KCNK10: variants seen among roughly 807,000 people sequenced by gnomAD.
KCNK10 encodes potassium channel subfamily K member 10.
KCNK10 carries 25 observed loss-of-function variants against 47.7 expected under a neutral mutation model. That is an observed-to-expected ratio of 0.52 (90% CI 0.38 to 0.73). The LOEUF (loss-of-function observed/expected upper bound fraction) is 0.73. KCNK10 is among the 30% of genes least tolerant of loss of function. KCNK10 has a pLI of 0.00. For missense variants in KCNK10, 563 were observed against 714.5 expected (o/e 0.79, Z 2.42); for synonymous variants, 303 against 285.6 (o/e 1.06, Z -0.61).
In KCNK10 at chr14:88,240,948, G is replaced by T. The variant is rs80197242; in HGVS notation, c.403-128C>A. 1,141 of 572,004 alleles carry T rather than the reference G, an allele frequency of 2.0e-3. 26 individuals carry two copies. The East Asian group carries it at 0.032, about 16-fold the overall frequency. The allele number at this position is 572,004 out of a possible 1,614,324, so 35.4% of individuals were successfully genotyped here. ...AACCTGCAGTGATCTAGAGAGAACT[G>T]GTTAAGTGGATGATGGTAGCATCCC... On this transcript the variant is annotated intron_variant, in intron 2 of 6. Transcript: ENST00000319231.
At chr14:88,323,313 C>CCCCA (rs1313835087), upstream of KCNK10, 258 of 983,676 alleles carry the variant, frequency 2.6e-4, no homozygotes, top group Admixed American at 3.1e-4. Flanking sequence ...AGCGCACACG[C>CCCCA]CCCACCCCGG....
intron 4 of KCNK10, among the ~76,000 whole-genome samples, chr14:88,204,556 G>T (rs1239339665): frequency 1.3e-5 from 2 of 151,776 alleles, no homozygotes; most frequent in Non-Finnish European, 2.9e-5. Flanking sequence ...GAAACTGTCA[G>T]GGACCCCACC....
At chr14:88,287,613 C>G (rs567189476) in intron 1 of KCNK10, among the ~76,000 whole-genome samples, 1 of 152,116 alleles carries the variant, frequency 6.6e-6, no homozygotes, top group African/African-American at 2.4e-5. Flanking sequence ...GTCTCCAATT[C>G]CATCCAGGTT....
upstream of KCNK10, among the ~76,000 whole-genome samples, chr14:88,325,729 T>C (rs887634185): frequency 3.9e-5 from 6 of 152,202 alleles, no homozygotes; most frequent in African/African-American, 1.4e-4. Flanking sequence ...GGTTGTGTTC[T>C]GGGGTCTGCA....
At chr14:88,283,668 T>C (rs1262144738) in intron 1 of KCNK10, among the ~76,000 whole-genome samples, 3 of 152,216 alleles carry the variant, frequency 2.0e-5, no homozygotes, top group Non-Finnish European at 4.4e-5. Flanking sequence ...TCCCAGTACT[T>C]TGGGAGGCCA....
chr14:88,256,160 T>C (rs1203827327), intron 2 of KCNK10, among the ~76,000 whole-genome samples: 1 of 152,210 alleles, frequency 6.6e-6, no homozygotes, highest in African/African-American at 2.4e-5. Context: ...AACTTGGTCC[T>C]AGTGGAATTC....
chr14:88,310,222 G>GGTATATGATATACCATATGATATA (rs1888294837), intron 1 of KCNK10, among the ~76,000 whole-genome samples: 1 of 131,856 alleles, frequency 7.6e-6, no homozygotes, highest in African/African-American at 2.7e-5. Context: ...CATATCATAT[G>GGTATATGATATACCATATGATATA]GTATATGATA....
intron 1 of KCNK10, among the ~76,000 whole-genome samples, chr14:88,292,266 T>C (rs986428074): frequency 1.3e-5 from 2 of 152,188 alleles, no homozygotes; most frequent in Non-Finnish European, 2.9e-5. Flanking sequence ...GGCCCCCGCC[T>C]TCCCTTTCCC....
chr14:88,308,160 A>G (rs1182763773), intron 1 of KCNK10, among the ~76,000 whole-genome samples: 1 of 152,058 alleles, frequency 6.6e-6, no homozygotes, highest in East Asian at 1.9e-4. Context: ...ACCCCCAGTC[A>G]AGGTTCCCTC....
chr14:88,257,684 A>T (rs952687028), intron 2 of KCNK10, among the ~76,000 whole-genome samples: 4 of 152,212 alleles, frequency 2.6e-5, no homozygotes, highest in Non-Finnish European at 5.9e-5. Context: ...CCTCGCCTGT[A>T]TGTGGGCACC....
chr14:88,285,110 T>C (rs1026285954), intron 1 of KCNK10, among the ~76,000 whole-genome samples: 1 of 152,066 alleles, frequency 6.6e-6, no homozygotes, highest in African/African-American at 2.4e-5. Flanking sequence ...TAAATAGTGT[T>C]TGTTTGTTTG....
In KCNK10 at chr14:88,186,116, T is replaced by C; in HGVS notation, c.1051A>G (p.Asn351Asp). The change falls in exon 7 of 7, where the codon AAT becomes GAT. Residue 351 changes from asparagine to aspartate, a missense_variant. Asn to Asp is a conservative substitution (Grantham distance 23). Transcript: ENST00000319231. This position sits in a 1 kb window ranked among gnomAD's most constrained non-coding sequence, Gnocchi z 5.5. Reference protein sequence around the residue: ...IKAHAAEWKANVTAEFRETRR... With the variant: ...IKAHAAEWKADVTAEFRETRR... ...GTCTCCCGGAACTCAGCCGTGACAT[T>C]GGCCTTCCACTCTGCCGCATGGGCC... 6.2e-6 allele frequency: 10 copies of C among 1,606,448 alleles called. No individual in the cohort carries two copies. The highest frequency in any genetic ancestry group is 8.5e-6 in the Non-Finnish European group (10 of 1,176,914).
In KCNK10 at chr14:88,278,659, C is replaced by T. The variant is rs141739495; in HGVS notation, c.53-15108G>A. Among the ~76,000 whole-genome samples, 3 of 152,262 alleles carry T rather than the reference C, an allele frequency of 2.0e-5. No homozygotes were observed. The East Asian group carries it at 5.8e-4, about 29-fold the overall frequency. ...TCTAACCTTTGAGTTCAGGTGTCAGCCAAGGAACAGAATCTTCAGCCAAGG... is the reference window on the plus strand; with the variant it reads ...TCTAACCTTTGAGTTCAGGTGTCAGTCAAGGAACAGAATCTTCAGCCAAGG... On this transcript the variant is annotated intron_variant, in intron 1 of 6. Coordinates refer to ENST00000319231, the MANE Select transcript of KCNK10 (RefSeq NM_138317.3).
intron 2 of KCNK10, among the ~76,000 whole-genome samples, chr14:88,241,619 A>G (rs1886473804): frequency 6.6e-6 from 1 of 151,976 alleles, no homozygotes; most frequent in Admixed American, 6.6e-5. Context: ...ATGATGACCC[A>G]TTTTCATCTC....
At chr14:88,196,641 G>C (rs1175327829) in intron 4 of KCNK10, among the ~76,000 whole-genome samples, 1 of 152,084 alleles carries the variant, frequency 6.6e-6, no homozygotes, top group Non-Finnish European at 1.5e-5. Context: ...CCAGGATGTC[G>C]GGGATTTTAC....
chr14:88,293,554 C>T (rs1362216696), intron 1 of KCNK10, among the ~76,000 whole-genome samples: 3 of 152,002 alleles, frequency 2.0e-5, no homozygotes, highest in Admixed American at 6.6e-5. Context: ...AAATCAAACC[C>T]ATCCACCACT....
Position 88,322,945 on chromosome 14 carries a change from A to G in KCNK10, c.-147T>C. On this transcript the variant is annotated 5_prime_UTR_variant, in exon 1 of 7. Coordinates refer to ENST00000319231, the MANE Select transcript of KCNK10 (RefSeq NM_138317.3). The surrounding 1 kb of genome is among the most constrained non-coding windows in gnomAD (Gnocchi z 4.8). ...ACTGGCTCGTGGAGGAACCCCAGAA[A>G]AAGACAGGTGGGAAAATATTAGCTT... 5.4e-6 allele frequency: 8 copies of G among 1,489,130 alleles called. No individual in the cohort carries two copies. The highest frequency in any genetic ancestry group is 7.1e-6 in the Non-Finnish European group (8 of 1,121,992). The allele number at this position is 1,489,130 out of a possible 1,614,324, so 92.2% of individuals were successfully genotyped here.
intron 3 of KCNK10, 61 bp from the exon 4 acceptor site, chr14:88,227,596 C>T (rs1327310963): frequency 2.7e-6 from 4 of 1,481,224 alleles, no homozygotes; most frequent in East Asian, 4.6e-5. Flanking sequence ...GACCAAAGAA[C>T]TCACAGACTT....
At chr14:88,259,984 C>G (rs1887064190) in intron 2 of KCNK10, among the ~76,000 whole-genome samples, 1 of 152,094 alleles carries the variant, frequency 6.6e-6, no homozygotes. Flanking sequence ...GCTCTGATGC[C>G]TAGGCTGGAG....
Sources: allele counts gnomAD v4.1 joint callset (sites outside exome capture counted in the v4.1 genomes callset), GRCh38; gene constraint gnomAD v4.1.1; non-coding constraint Gnocchi (gnomAD v3.1); transcripts MANE v1.5; gene names NCBI Gene and HGNC (gene_info 2026-07-23, HGNC 2026-07-21).